The following ADGRB3 variants were observed in gnomAD, a reference collection of about 807,000 sequenced individuals.
ADGRB3 encodes adhesion G protein-coupled receptor B3, also known as brain-specific angiogenesis inhibitor 3.
Under a neutral mutation model 193.4 loss-of-function variants are expected in ADGRB3, and 37 were observed. That is an observed-to-expected ratio of 0.19 (90% CI 0.15 to 0.25). ADGRB3 has a LOEUF of 0.25. Among genes scored for constraint, ADGRB3 ranks in the 10% least tolerant of loss-of-function variants. The pLI, the probability that ADGRB3 is intolerant of heterozygous loss-of-function variation, is 1.00. For synonymous variants in ADGRB3, 690 were observed against 644.2 expected (o/e 1.07, Z -1.08); for missense variants, 1,637 against 1,852.9 (o/e 0.88, Z 2.14).
At chr6:68,687,377 G>A (rs1435943700) in intron 3 of ADGRB3, among the ~76,000 whole-genome samples, 1 of 151,970 alleles carries the variant, frequency 6.6e-6, no homozygotes, top group Non-Finnish European at 1.5e-5. Flanking sequence ...AAAAAACTAT[G>A]CATGGATTTG....
In ADGRB3 at chr6:69,031,068, T is replaced by TTTC. The variant is rs1562128962; in HGVS notation, c.2107+12569_2107+12570insTTC. 1.4e-3 allele frequency among the ~76,000 whole-genome samples: 70 copies of TTTC among 48,722 alleles called. 3 individuals carry two copies. The highest frequency in any genetic ancestry group is 2.1e-3 in the Non-Finnish European group (35 of 16,848). The allele number at this position is 48,722 out of a possible 152,430, so 32.0% of individuals were successfully genotyped here. A position where few individuals can be genotyped will look rare whatever the true frequency, so the allele number is the denominator to read the frequency against. ...TCTCTTCTCTTCTCTTCTCTTCTCT[T>TTTC]CTCTTCTCTTCTCTTCTCTTCTCTT... On this transcript the variant is annotated intron_variant, in intron 13 of 31. Transcript: ENST00000370598.
At chr6:68,769,399 G>A (rs1025175316) in intron 3 of ADGRB3, among the ~76,000 whole-genome samples, 2 of 152,216 alleles carry the variant, frequency 1.3e-5, no homozygotes, top group Non-Finnish European at 2.9e-5. Flanking sequence ...GGACATGGAT[G>A]AAGCTGGAAA....
chr6:69,210,170 A>ATATATATATATATATATATATATATATAG (rs70987458), intron 17 of ADGRB3, among the ~76,000 whole-genome samples: 2 of 131,774 alleles, frequency 1.5e-5, no homozygotes, highest in Non-Finnish European at 3.2e-5. Context: ...ATATATATAT[A>ATATATATATATATATATATATATATATAG]AAGGGGAGTT....
chr6:68,652,486 C>CT (rs750165783), intron 3 of ADGRB3, among the ~76,000 whole-genome samples: 6 of 152,100 alleles, frequency 3.9e-5, no homozygotes, highest in Non-Finnish European at 2.9e-5. Context: ...CTCCATCTTT[C>CT]TCTCTGGTCA....
At position 68,712,860 on chromosome 6, in the gene ADGRB3, TC is replaced by T. The variant is rs762034629; in HGVS notation, c.757+73429del. ...GTTTTCAGAGTTCAAAGTTTTGCTT[TC>T]TTAAAAATAAACCTTATTAGATACT... On this transcript the variant is annotated intron_variant, in intron 3 of 31. Coordinates refer to ENST00000370598, the MANE Select transcript of ADGRB3 (RefSeq NM_001704.3). 5.9e-5 allele frequency among the ~76,000 whole-genome samples: 9 copies of T among 152,038 alleles called. No homozygotes were observed. In the East Asian group the frequency reaches 1.5e-3, roughly 26 times the overall value.
chr6:68,842,969 A>G (rs1768189815), intron 3 of ADGRB3, among the ~76,000 whole-genome samples: 1 of 152,052 alleles, frequency 6.6e-6, no homozygotes, highest in South Asian at 2.1e-4. Flanking sequence ...ATAAAATTCA[A>G]TATCACTTTA....
chr6:68,751,476 A>G (rs1766197835), intron 3 of ADGRB3, among the ~76,000 whole-genome samples: 2 of 152,198 alleles, frequency 1.3e-5, no homozygotes, highest in Non-Finnish European at 2.9e-5. Flanking sequence ...ATGAAATAAA[A>G]CATCAGAGAT....
chr6:68,796,120 T>G (rs1031450900), intron 3 of ADGRB3, among the ~76,000 whole-genome samples: 1 of 152,164 alleles, frequency 6.6e-6, no homozygotes, highest in African/African-American at 2.4e-5. Flanking sequence ...TTGAATTTCA[T>G]CCTTTGCCTG....
At chr6:69,276,949 G>A (rs538014971) in intron 20 of ADGRB3, among the ~76,000 whole-genome samples, 3 of 150,536 alleles carry the variant, frequency 2.0e-5, no homozygotes, top group Non-Finnish European at 4.4e-5. Flanking sequence ...TCCATAAAAT[G>A]GTTTTTAAAA....
At position 69,254,708 on chromosome 6, in the gene ADGRB3, CT is replaced by C. The variant is rs1233475191; in HGVS notation, c.2814+15490del. 2.1e-3 allele frequency among the ~76,000 whole-genome samples: 299 copies of C among 144,346 alleles called. 2 individuals carry two copies. The highest frequency in any genetic ancestry group is 3.5e-3 in the Non-Finnish European group (230 of 65,424). 94.7% of individuals were successfully genotyped at this position (144,346 alleles called of 152,430 possible). On this transcript the variant is annotated intron_variant, in intron 20 of 31. Transcript: ENST00000370598. ...ATGCCTTTGTATTTCTTTTTTTTTT[CT>C]TTTTTTTATTATTATAATTTAAGTT...
intron 3 of ADGRB3, among the ~76,000 whole-genome samples, chr6:68,756,160 A>G (rs143019530): frequency 5.5e-4 from 84 of 151,982 alleles, no homozygotes; most frequent in African/African-American, 1.7e-3. Flanking sequence ...AATTAAGGGT[A>G]GAAGACAAGA....
chr6:68,956,973 T>G (rs988908070), intron 8 of ADGRB3, among the ~76,000 whole-genome samples, 164 bp downstream of exon 8: 54 of 152,216 alleles, frequency 3.5e-4, no homozygotes, highest in African/African-American at 1.2e-3. Context: ...ATCCCCTGTT[T>G]ATGTGTCATA....
chr6:69,306,059 TTA>T (rs1448675900), intron 20 of ADGRB3, among the ~76,000 whole-genome samples: 1 of 151,506 alleles, frequency 6.6e-6, no homozygotes, highest in Non-Finnish European at 1.5e-5. Context: ...CTATGCCATT[TTA>T]TATAAGGGAG....
intron 3 of ADGRB3, among the ~76,000 whole-genome samples, chr6:68,739,347 T>C (rs1335775375): frequency 6.6e-6 from 1 of 152,186 alleles, no homozygotes; most frequent in Non-Finnish European, 1.5e-5. Flanking sequence ...TGTTTAGTTT[T>C]AGTTGGGAGA....
intron 3 of ADGRB3, among the ~76,000 whole-genome samples, chr6:68,662,634 A>T (rs1307036125): frequency 2.0e-5 from 3 of 151,586 alleles, no homozygotes; most frequent in Non-Finnish European, 4.4e-5. Context: ...CACAAAAGTG[A>T]TAAATGAGTA....
intron 17 of ADGRB3, among the ~76,000 whole-genome samples, chr6:69,204,190 T>C (rs1468608440): frequency 1.3e-5 from 2 of 152,208 alleles, no homozygotes; most frequent in South Asian, 4.1e-4. Flanking sequence ...AAATGTTTTG[T>C]GTAAAATATA....
chr6:69,241,380 T>C (rs1766381903), intron 20 of ADGRB3, among the ~76,000 whole-genome samples: 1 of 151,954 alleles, frequency 6.6e-6, no homozygotes, highest in Non-Finnish European at 1.5e-5. Flanking sequence ...TTTTACAATC[T>C]TTTTTAAGTC....
chr6:69,311,650 A>G (rs933398168), intron 20 of ADGRB3, among the ~76,000 whole-genome samples: 2 of 151,742 alleles, frequency 1.3e-5, no homozygotes, highest in Non-Finnish European at 1.5e-5. Flanking sequence ...CCTTCCTACC[A>G]TAAAATATGC....
At chr6:68,673,134 G>A (rs2746125) in intron 3 of ADGRB3, among the ~76,000 whole-genome samples, 57,964 of 151,818 alleles carry the variant, frequency 0.38, 11,657 homozygotes, top group East Asian at 0.6. Flanking sequence ...TAAATGACAA[G>A]AACGATTAAA....
Sources: gnomAD v4.1 joint callset for allele counts (sites outside exome capture counted in the v4.1 genomes callset) on GRCh38, gnomAD v4.1.1 for gene constraint, MANE v1.5 for transcripts, NCBI Gene and HGNC (gene_info 2026-07-23, HGNC 2026-07-21) for gene names.